SUPT3H: variants seen among roughly 807,000 people sequenced by gnomAD.
The protein encoded by SUPT3H is transcription initiation protein SPT3 homolog.
A neutral mutation model predicts 44.3 loss-of-function variants in SUPT3H; 44 were observed. The ratio of observed to expected loss-of-function variants is 0.99; its 90% CI spans 0.78 to 1.28. The LOEUF (loss-of-function observed/expected upper bound fraction) is 1.28, where lower values mean the gene tolerates loss of function less well. Among genes scored for constraint, SUPT3H ranks in the 50% most tolerant of loss-of-function variants. The pLI is 0.00. For missense variants in SUPT3H, 380 were observed against 387.1 expected (o/e 0.98, Z 0.15); for synonymous variants, 124 against 125.6 (o/e 0.99, Z 0.09).
chr6:45,293,951 T>C (rs1408963265), intron 2 of SUPT3H, among the ~76,000 whole-genome samples: 1 of 151,954 alleles, frequency 6.6e-6, no homozygotes, highest in Admixed American at 6.6e-5. Context: ...TTCTACAAGA[T>C]AGAGAAAGAG....
At chr6:44,938,834 T>A (rs1181093112) in intron 9 of SUPT3H, among the ~76,000 whole-genome samples, 1 of 152,174 alleles carries the variant, frequency 6.6e-6, no homozygotes, top group Non-Finnish European at 1.5e-5. Flanking sequence ...TTCTTTGTAG[T>A]ACTTTAAATG....
intron 10 of SUPT3H, among the ~76,000 whole-genome samples, chr6:44,930,743 T>C (rs575270884): frequency 1.3e-5 from 2 of 152,316 alleles, no homozygotes; most frequent in South Asian, 4.1e-4. Flanking sequence ...TTTTGTTTGA[T>C]TGTTCTACTA....
chr6:45,085,417 A>G (rs1796363945), intron 3 of SUPT3H, among the ~76,000 whole-genome samples: 2 of 152,160 alleles, frequency 1.3e-5, no homozygotes, highest in South Asian at 4.1e-4. Flanking sequence ...TACATACTCC[A>G]TACTACCTGT....
intron 1 of SUPT3H, among the ~76,000 whole-genome samples, chr6:45,375,755 C>T (rs540738078): frequency 5.0e-4 from 76 of 152,050 alleles, no homozygotes; most frequent in African/African-American, 1.7e-3. Flanking sequence ...AGGGTGCTAC[C>T]GCTACCTATA....
At chr6:44,880,298 C>T (rs368549671) in intron 10 of SUPT3H, among the ~76,000 whole-genome samples, 28 of 151,680 alleles carry the variant, frequency 1.8e-4, no homozygotes, top group African/African-American at 3.9e-4. Context: ...TATCAGTAGC[C>T]GAATCGATCA....
chr6:45,117,038 C>A (rs2153577278), intron 2 of SUPT3H, among the ~76,000 whole-genome samples: 1 of 152,212 alleles, frequency 6.6e-6, no homozygotes, highest in East Asian at 1.9e-4. Context: ...ACTACTACCA[C>A]TTTCAATTCT....
At position 44,952,742 on chromosome 6, in the gene SUPT3H, T is replaced by C. The variant is rs16872918; in HGVS notation, c.801+568A>G. Reference sequence around the variant, plus strand: ...GTATACTAAAAGTGGTGCACAGTTATTATACAGAGCCTTAAAATTGGAAAG... The same window carrying C: ...GTATACTAAAAGTGGTGCACAGTTACTATACAGAGCCTTAAAATTGGAAAG... On this transcript the variant is annotated intron_variant, in intron 9 of 10. Coordinates refer to ENST00000371459, the MANE Select transcript of SUPT3H (RefSeq NM_003599.4). Among the ~76,000 whole-genome samples, 762 of 152,310 alleles carry C rather than the reference T, an allele frequency of 5.0e-3. 26 individuals carry two copies. Among genetic ancestry groups the C allele is most frequent in the East Asian group, 0.049 (255 of 5,178 alleles).
At chr6:45,138,782 G>T (rs1262079202) in intron 2 of SUPT3H, among the ~76,000 whole-genome samples, 1 of 152,136 alleles carries the variant, frequency 6.6e-6, no homozygotes, top group East Asian at 1.9e-4. Flanking sequence ...CTGAATCACA[G>T]TTATGGTTAC....
At chr6:45,349,142 A>C (rs967787387) in intron 2 of SUPT3H, among the ~76,000 whole-genome samples, 8 of 152,304 alleles carry the variant, frequency 5.3e-5, no homozygotes, top group South Asian at 4.1e-4. Context: ...ATTTCAATTT[A>C]GTTCTTCTAG....
At chr6:45,226,625 C>T (rs1249470136) in intron 2 of SUPT3H, among the ~76,000 whole-genome samples, 2 of 152,080 alleles carry the variant, frequency 1.3e-5, no homozygotes, top group African/African-American at 2.4e-5. Context: ...CTGCAACCTC[C>T]GCATCCCGGG....
chr6:44,917,616 G>A (rs1480951447), intron 10 of SUPT3H, among the ~76,000 whole-genome samples: 1 of 152,148 alleles, frequency 6.6e-6, no homozygotes, highest in African/African-American at 2.4e-5. Context: ...AGCACAGGGA[G>A]CACCACATAA....
intron 3 of SUPT3H, among the ~76,000 whole-genome samples, chr6:45,062,873 G>T (rs932330420): frequency 4.6e-5 from 7 of 152,134 alleles, no homozygotes; most frequent in South Asian, 2.1e-4. Flanking sequence ...AGGCGGCAGC[G>T]AGGCTGGGGG....
chr6:45,024,633 G>A (rs1395237655), intron 3 of SUPT3H, among the ~76,000 whole-genome samples: 1 of 151,990 alleles, frequency 6.6e-6, no homozygotes. Flanking sequence ...TTACCTTTGT[G>A]TACTTGTGAT....
chr6:45,111,123 C>G (rs1797155), intron 2 of SUPT3H, among the ~76,000 whole-genome samples: 3,085 of 151,758 alleles, frequency 0.02, 45 homozygotes, highest in Non-Finnish European at 0.032. Context: ...ACCTCCACCT[C>G]CCGGCTTCAA....
At position 45,336,829 on chromosome 6, in the gene SUPT3H, C is replaced by T. The variant is rs191813108; in HGVS notation, c.101+28372G>A. ...TCAAATTTTCTACCTCTGTTTTAAACTTTCTTCATTCAAATACATGGTCAA... is the reference window on the plus strand; with the variant it reads ...TCAAATTTTCTACCTCTGTTTTAAATTTTCTTCATTCAAATACATGGTCAA... On this transcript the variant is annotated intron_variant, in intron 2 of 10. Coordinates refer to ENST00000371459, the MANE Select transcript of SUPT3H (RefSeq NM_003599.4). Among the ~76,000 whole-genome samples, 1,370 of 151,534 alleles carry T rather than the reference C, an allele frequency of 9.0e-3. 14 individuals carry two copies. Among genetic ancestry groups the T allele is most frequent in the South Asian group, 0.028 (136 of 4,818 alleles).
chr6:45,329,299 TAAAAG>T (rs1035175400), intron 2 of SUPT3H, among the ~76,000 whole-genome samples: 3 of 151,972 alleles, frequency 2.0e-5, no homozygotes, highest in South Asian at 2.1e-4. Flanking sequence ...CCAGCTCAAC[TAAAAG>T]AAATCTACTT....
intron 2 of SUPT3H, among the ~76,000 whole-genome samples, chr6:45,196,918 G>A (rs755900421): frequency 3.3e-5 from 5 of 151,228 alleles, no homozygotes; most frequent in African/African-American, 9.7e-5. Context: ...TATAAAATAC[G>A]TAAAAAGCCA....
At chr6:44,878,633 C>G (rs1777689217) in intron 10 of SUPT3H, among the ~76,000 whole-genome samples, 1 of 152,072 alleles carries the variant, frequency 6.6e-6, no homozygotes, top group African/African-American at 2.4e-5. Context: ...GTGTGGATGG[C>G]AAGATGGCTG....
At chr6:45,210,413 C>T (rs1763902859) in intron 2 of SUPT3H, among the ~76,000 whole-genome samples, 2 of 152,070 alleles carry the variant, frequency 1.3e-5, no homozygotes, top group South Asian at 4.2e-4. Context: ...TATTCCTCTA[C>T]CCTCCTCTCA....
Sources: allele counts gnomAD v4.1 joint callset (sites outside exome capture counted in the v4.1 genomes callset), GRCh38; gene constraint gnomAD v4.1.1; transcripts MANE v1.5; gene names NCBI Gene and HGNC (gene_info 2026-07-23, HGNC 2026-07-21).